The following SH3BP5L variants were observed in gnomAD, a reference collection of about 807,000 sequenced individuals.
SH3BP5L encodes SH3 binding domain protein 5 like.
In SH3BP5L, 16 loss-of-function variants were observed where a neutral mutation model predicts 40.9. The ratio of observed to expected loss-of-function variants is 0.39; its 90% CI spans 0.27 to 0.59. The LOEUF is 0.59. SH3BP5L is among the 20% of genes least tolerant of loss of function. The pLI is 0.53. For missense variants in SH3BP5L, 471 were observed against 544.6 expected, an observed-to-expected ratio of 0.86 and a Z score of 1.35; for synonymous variants, 229 against 226.7, an observed-to-expected ratio of 1.01 and a Z score of -0.09.
chr1:248,816,448 T>C (rs1162715644), intron 4 of SH3BP5L, 86 bp downstream of exon 4: 2 of 1,567,330 alleles, frequency 1.3e-6, no homozygotes, highest in African/African-American at 2.7e-5. Context: ...GGTCTGGTGT[T>C]TTGTCTCTCA....
chr1:248,817,986 C>T (rs1664150889), intron 2 of SH3BP5L, among the ~76,000 whole-genome samples: 1 of 152,188 alleles, frequency 6.6e-6, no homozygotes, highest in Non-Finnish European at 1.5e-5. Context: ...GGACTTTCTG[C>T]AATGGCAAAA....
Position 248,811,584 on chromosome 1 carries a change from A to T in SH3BP5L, c.*316T>A, listed in dbSNP as rs1663923652. On this transcript the variant is annotated 3_prime_UTR_variant, in exon 7 of 7. Coordinates refer to ENST00000366472, the MANE Select transcript of SH3BP5L (RefSeq NM_030645.3). The stretch of plus-strand genomic sequence containing the variant: ...GGGAAAAAGCCAAACAGATGGAAAG[A>T]GAGGGAGCAGAAAGGGAAAGCAAAG... The T allele has an allele frequency of 5.4e-6, 2 of 367,548 alleles. No individual in the cohort carries two copies. Among genetic ancestry groups the T allele is most frequent in the Non-Finnish European group, 9.8e-6 (2 of 203,736 alleles). 22.8% of individuals were successfully genotyped at this position (367,548 alleles called of 1,614,324 possible). A position where few individuals can be genotyped will look rare whatever the true frequency, so the allele number is the denominator to read the frequency against.
At position 248,813,083 on chromosome 1, in the gene SH3BP5L, G is replaced by A. The variant is rs375608111; in HGVS notation, c.617C>T (p.Ala206Val). 4.9e-5 allele frequency: 79 copies of A among 1,611,990 alleles called. No individual in the cohort carries two copies. The highest frequency in any genetic ancestry group is 6.5e-5 in the Non-Finnish European group (77 of 1,179,006). The change falls in exon 6 of 7, where the codon GCT becomes GTT. Residue 206 changes from alanine (A) to valine (V), a missense_variant. Physicochemically the swap from Ala to Val is moderately conservative, Grantham distance 64. Transcript: ENST00000366472. ...GGTCTTCTGCAGGGCTTGGACCCGAGCCTCAGCCTGTTGGCACAGCCGAGT... is the reference window on the plus strand; with the variant it reads ...GGTCTTCTGCAGGGCTTGGACCCGAACCTCAGCCTGTTGGCACAGCCGAGT... Reference protein sequence around the residue: ...RVTRLCQQAEARVQALQKTLR... With the variant: ...RVTRLCQQAEVRVQALQKTLR...
At chr1:248,816,307 C>G (rs1279139304) in intron 4 of SH3BP5L, 2 of 532,092 alleles carry the variant, frequency 3.8e-6, no homozygotes, top group Non-Finnish European at 6.8e-6. Flanking sequence ...CAGGGCTGAA[C>G]TAAATATTCT....
intron 2 of SH3BP5L, among the ~76,000 whole-genome samples, chr1:248,819,632 G>A (rs1163717379): frequency 1.4e-5 from 2 of 147,684 alleles, no homozygotes; most frequent in Non-Finnish European, 3.0e-5. Context: ...GAATCTGGGA[G>A]GCGGAAGTTG....
Position 248,811,641 on chromosome 1 carries a change from C to T in SH3BP5L, c.*259G>A, listed in dbSNP as rs1389794842. 6.2e-6 allele frequency: 3 copies of T among 486,096 alleles called. No individual in the cohort carries two copies. Among genetic ancestry groups the T allele is most frequent in the Admixed American group, 7.4e-5 (2 of 26,862 alleles). 30.1% of individuals were successfully genotyped at this position (486,096 alleles called of 1,614,324 possible). Reference sequence around the variant, plus strand: ...TGCCCTGCAGATCGTGATGAGCTGGCAGGCAGAGGCAGACAGAGCGCCGAG... The same window carrying T: ...TGCCCTGCAGATCGTGATGAGCTGGTAGGCAGAGGCAGACAGAGCGCCGAG... On this transcript the variant is annotated 3_prime_UTR_variant, in exon 7 of 7. Transcript: ENST00000366472.
Position 248,812,949 on chromosome 1 carries a change from C to T in SH3BP5L, c.711+40G>A. 1 of 1,528,344 alleles carries T rather than the reference C, an allele frequency of 6.5e-7. No homozygotes were observed. Among genetic ancestry groups the T allele is most frequent in the Non-Finnish European group, 8.9e-7 (1 of 1,128,354 alleles). 94.7% of individuals were successfully genotyped at this position (1,528,344 alleles called of 1,614,324 possible). ...CCAGCATCCCCTCCAGCCTGCACCC[C>T]CACCTACCCATTCCTCCTCCCCCTC... On this transcript the variant is annotated intron_variant, in intron 6 of 6. Coordinates refer to ENST00000366472, the MANE Select transcript of SH3BP5L (RefSeq NM_030645.3). This position sits in a 1 kb window ranked among gnomAD's most constrained non-coding sequence, Gnocchi z 6.1.
intron 5 of SH3BP5L, 146 bp from the exon 6 acceptor site, chr1:248,813,308 ACG>A (rs1280259876): frequency 1.3e-6 from 1 of 748,522 alleles, no homozygotes; most frequent in Non-Finnish European, 2.0e-6. Context: ...AGCCCGAGAC[ACG>A]CAGGGGAACA....
At position 248,825,801 on chromosome 1, in the gene SH3BP5L, C is replaced by T. The variant is rs1416362177; in HGVS notation, c.-432+34G>A. ...GGACCCTACTCCCGTCCATTCTACC[C>T]AGCCATGCGCAAAAGCCCCCCGCAC... On this transcript the variant is annotated intron_variant, in intron 1 of 6. Coordinates refer to ENST00000366472, the MANE Select transcript of SH3BP5L (RefSeq NM_030645.3). 8 of 840,640 alleles carry T rather than the reference C, an allele frequency of 9.5e-6. No individual in the cohort carries two copies. In the African/African-American group the frequency reaches 1.3e-4, roughly 14 times the overall value. 52.1% of individuals were successfully genotyped at this position (840,640 alleles called of 1,614,324 possible). A position where few individuals can be genotyped will look rare whatever the true frequency, so the allele number is the denominator to read the frequency against.
rs1454640798 is a variant in SH3BP5L at position 248,824,890 on chromosome 1, C to T, written c.46G>A (p.Gly16Arg). The change falls in exon 2 of 7, where the codon GGG becomes AGG. Residue 16 changes from glycine to arginine, a missense_variant. Around this residue, in one of 2 missense-constraint regions of SH3BP5L, gnomAD observed 275 missense variants for 370.1 expected, o/e 0.74. Transcript: ENST00000366472. ...TCTACAACTTCAGGCCGCAGCTCCCCCTGTGGGGTCTCCCGCCCTCCTGGA... is the reference window on the plus strand; with the variant it reads ...TCTACAACTTCAGGCCGCAGCTCCCTCTGTGGGGTCTCCCGCCCTCCTGGA... ...QVPGGRETPQ[G>R]ELRPEVVEDE... 3.1e-6 allele frequency: 5 copies of T among 1,613,960 alleles called. No homozygotes were observed. Among genetic ancestry groups the T allele is most frequent in the Non-Finnish European group, 3.4e-6 (4 of 1,179,962 alleles).
chr1:248,823,167 C>A (rs980801996), intron 2 of SH3BP5L, among the ~76,000 whole-genome samples: 55 of 152,218 alleles, frequency 3.6e-4, no homozygotes, highest in African/African-American at 1.3e-3. Context: ...GAAGCCTTCT[C>A]TGGAGCAGGG....
Position 248,812,471 on chromosome 1 carries a change from G to T in SH3BP5L, c.712-101C>A, listed in dbSNP as rs1281675962. 1.1e-6 allele frequency: 1 copy of T among 905,866 alleles called. No homozygotes were observed. Among genetic ancestry groups the T allele is most frequent in the Non-Finnish European group, 1.7e-6 (1 of 587,004 alleles). 56.1% of individuals were successfully genotyped at this position (905,866 alleles called of 1,614,324 possible). A position where few individuals can be genotyped will look rare whatever the true frequency, so the allele number is the denominator to read the frequency against. Reference sequence around the variant, plus strand: ...GAGGGCCTGCTCTCCCAGAATACCTGGACAGCTGGCTCAGCATCCACCACA... The same window carrying T: ...GAGGGCCTGCTCTCCCAGAATACCTTGACAGCTGGCTCAGCATCCACCACA... On this transcript the variant is annotated intron_variant, in intron 6 of 6. Coordinates refer to ENST00000366472, the MANE Select transcript of SH3BP5L (RefSeq NM_030645.3). The surrounding 1 kb of genome is among the most constrained non-coding windows in gnomAD (Gnocchi z 6.1).
chr1:248,816,645 A>C lies in SH3BP5L; in HGVS notation c.264T>G (p.Tyr88Ter). 1 of 1,614,148 alleles carries C rather than the reference A, an allele frequency of 6.2e-7. No individual in the cohort carries two copies. Among genetic ancestry groups the C allele is most frequent in the Non-Finnish European group, 8.5e-7 (1 of 1,180,036 alleles). Residue 88 changes from tyrosine to a stop codon, truncating the protein, a stop_gained, in exon 4 of 7, where the codon TAT becomes TAG. Transcript: ENST00000366472. LOFTEE classifies it high-confidence loss of function. Reference sequence around the variant, plus strand: ...TCGCCGACTCCTGTAGGATCCTCCGATAGGTGGTCCTGGCCTCCTGGAAAG... The same window carrying C: ...TCGCCGACTCCTGTAGGATCCTCCGCTAGGTGGTCCTGGCCTCCTGGAAAG... ...ELQLDEARTT[Y>*]RRILQESARK... is the part of the protein sequence containing the mutation.
chr1:248,811,659 G>A lies in SH3BP5L; in HGVS notation c.*241C>T, dbSNP rs936431488. The A allele has an allele frequency of 2.2e-5, 11 of 500,534 alleles. No individual in the cohort carries two copies. Among genetic ancestry groups the A allele is most frequent in the Admixed American group, 7.3e-5 (2 of 27,318 alleles). 31.0% of individuals were successfully genotyped at this position (500,534 alleles called of 1,614,324 possible). Reference sequence around the variant, plus strand: ...GAGCTGGCAGGCAGAGGCAGACAGAGCGCCGAGGGCGAGCCTTCTGAATGG... The same window carrying A: ...GAGCTGGCAGGCAGAGGCAGACAGAACGCCGAGGGCGAGCCTTCTGAATGG... On this transcript the variant is annotated 3_prime_UTR_variant, in exon 7 of 7. Coordinates refer to ENST00000366472, the MANE Select transcript of SH3BP5L (RefSeq NM_030645.3).
At chr1:248,813,363 G>T (rs1319663068) in intron 5 of SH3BP5L, 2 of 455,796 alleles carry the variant, frequency 4.4e-6, no homozygotes, top group Non-Finnish European at 7.5e-6. Flanking sequence ...TGTCTCTCTT[G>T]GATCTGCTGC....
In SH3BP5L at chr1:248,816,854, C is replaced by G; in HGVS notation, c.214G>C (p.Glu72Gln). Residue 72 changes from glutamate (E) to glutamine (Q), a missense_variant, in exon 3 of 7, where the codon GAG becomes CAG. This residue lies in a region of SH3BP5L where 275 missense variants were observed against 370.1 expected (regional missense o/e 0.74). Transcript: ENST00000366472. ...EELEHLNQAS[E>Q]EINQVELQLD... ...TGTAGTTCCACCTGGTTGATCTCCT[C>G]GCTGGCCTGGTTCAGGTGCTCCAAC... 1 of 1,614,190 alleles carries G rather than the reference C, an allele frequency of 6.2e-7. No homozygotes were observed. Among genetic ancestry groups the G allele is most frequent in the Non-Finnish European group, 8.5e-7 (1 of 1,180,034 alleles).
chr1:248,816,165 G>T, intron 4 of SH3BP5L: 1 of 188,412 alleles, frequency 5.3e-6, no homozygotes, highest in South Asian at 1.0e-4. Context: ...GCAAAGAAAA[G>T]ATTCAGAAGA....
At chr1:248,814,111 C>T (rs542329611) in intron 5 of SH3BP5L, 2 of 284,062 alleles carry the variant, frequency 7.0e-6, no homozygotes, top group East Asian at 1.7e-4. Flanking sequence ...GGAGCAGACT[C>T]TGAAAACAGA....
chr1:248,812,298 G>T lies in SH3BP5L; in HGVS notation c.784C>A (p.Arg262Ser), dbSNP rs777551954. The T allele has an allele frequency of 6.2e-6, 10 of 1,611,794 alleles. No individual in the cohort carries two copies. Among genetic ancestry groups the T allele is most frequent in the Non-Finnish European group, 8.5e-6 (10 of 1,179,964 alleles). ...QAKTRYSVALRNLEQISEQIH... is the reference protein window; with the variant it reads ...QAKTRYSVALSNLEQISEQIH... ...TGCTCGCTGATCTGCTCCAGGTTACGAAGGGCCACGGAGTAGCGCGTCTTG... is the reference window on the plus strand; with the variant it reads ...TGCTCGCTGATCTGCTCCAGGTTACTAAGGGCCACGGAGTAGCGCGTCTTG... The change falls in exon 7 of 7, where the codon CGT becomes AGT. Residue 262 changes from arginine (R) to serine (S), a missense_variant. Physicochemically the swap from Arg to Ser is moderately radical, Grantham distance 110 (BLOSUM62 -1). This residue lies in a region of SH3BP5L where 275 missense variants were observed against 370.1 expected (regional missense o/e 0.74). Transcript: ENST00000366472. This position sits in a 1 kb window ranked among gnomAD's most constrained non-coding sequence, Gnocchi z 6.1.
Sources: allele counts gnomAD v4.1 joint callset (sites outside exome capture counted in the v4.1 genomes callset), GRCh38; gene constraint gnomAD v4.1.1; regional missense constraint gnomAD v4.1.1; non-coding constraint Gnocchi (gnomAD v3.1); transcripts MANE v1.5; gene names NCBI Gene and HGNC (gene_info 2026-07-23, HGNC 2026-07-21).